The following PCDHA5 variants were observed in gnomAD, a reference collection of about 807,000 sequenced individuals.
The protein encoded by PCDHA5 is protocadherin alpha 5.
In PCDHA5, 43 loss-of-function variants were observed where a neutral mutation model predicts 61.6. That is an observed-to-expected ratio of 0.70 (90% CI 0.55 to 0.90). PCDHA5 has a LOEUF of 0.90. Ranked by LOEUF, PCDHA5 falls within the 40% of genes least tolerant of loss-of-function variation. The pLI is 0.00. For synonymous variants in PCDHA5, 627 were observed against 543.9 expected (o/e 1.15, Z -2.13); for missense variants, 1,298 against 1,222.7 (o/e 1.06, Z -0.92).
At chr5:140,923,785 C>T (rs2081509867) in intron 1 of PCDHA5, among the ~76,000 whole-genome samples, 1 of 152,156 alleles carries the variant, frequency 6.6e-6, no homozygotes, top group African/African-American at 2.4e-5. Flanking sequence ...ATGGTTTCTT[C>T]ATTCTTTTCA....
chr5:140,885,283 T>C (rs1326439795), intron 1 of PCDHA5, among the ~76,000 whole-genome samples: 2 of 152,298 alleles, frequency 1.3e-5, no homozygotes, highest in Admixed American at 6.5e-5. Context: ...TATATACATA[T>C]ATAGAGAGAG....
At chr5:140,841,695 A>C in intron 1 of PCDHA5, 1 of 1,613,932 alleles carries the variant, frequency 6.2e-7, no homozygotes, top group East Asian at 2.2e-5. Flanking sequence ...GAGGTGAAGG[A>C]TGTTAATGAC....
chr5:141,008,430 GC>G (rs1252417058), intron 3 of PCDHA5, among the ~76,000 whole-genome samples: 2 of 152,260 alleles, frequency 1.3e-5, no homozygotes, highest in African/African-American at 4.8e-5. Context: ...GGATCACTTT[GC>G]CCAGACAGAC....
At chr5:140,857,626 G>T in intron 1 of PCDHA5, 1 of 1,596,672 alleles carries the variant, frequency 6.3e-7, no homozygotes, top group Non-Finnish European at 8.6e-7. Flanking sequence ...ACCACGAGGA[G>T]CTGGAGCTGC....
chr5:140,965,259 A>G (rs1257686866), intron 1 of PCDHA5, among the ~76,000 whole-genome samples: 1 of 152,218 alleles, frequency 6.6e-6, no homozygotes, highest in African/African-American at 2.4e-5. Context: ...AGAACTGAGC[A>G]GCAGAGGCAA....
chr5:140,869,766 G>T, intron 1 of PCDHA5: 1 of 1,613,210 alleles, frequency 6.2e-7, no homozygotes, highest in Non-Finnish European at 8.5e-7. Context: ...GAAAACCAGA[G>T]CTTACTGGCA....
intron 1 of PCDHA5, among the ~76,000 whole-genome samples, chr5:140,832,446 A>G (rs2150201698): frequency 1.3e-5 from 2 of 152,202 alleles, no homozygotes; most frequent in Non-Finnish European, 2.9e-5. Flanking sequence ...TAAGCGTGTA[A>G]TTAATATTGC....
At position 140,876,440 on chromosome 5, in the gene PCDHA5, T is replaced by C. The variant is rs369023443; in HGVS notation, c.2352+52313T>C. 23 of 1,613,876 alleles carry C rather than the reference T, an allele frequency of 1.4e-5. No individual in the cohort carries two copies. In the Admixed American group the frequency reaches 1.5e-4, roughly 11 times the overall value. On this transcript the variant is annotated intron_variant, in intron 1 of 3. Transcript: ENST00000529859. ...GCCTATGAAATTCAGGTTAACGCCA[T>C]TGATAAAGGGATTCCTTCCATGGCA...
intron 1 of PCDHA5, chr5:140,867,094 A>T (rs1289520469): frequency 6.6e-6 from 1 of 152,180 alleles, no homozygotes; most frequent in Admixed American, 6.5e-5. Flanking sequence ...GTTGGAAATT[A>T]ACACCTAAAT....
chr5:140,832,072 T>A (rs2150199647), intron 1 of PCDHA5, among the ~76,000 whole-genome samples: 2,545 of 152,344 alleles, frequency 0.017, 42 homozygotes, highest in Non-Finnish European at 0.028. Context: ...ATCTGAGATG[T>A]CTCTAACATT....
intron 1 of PCDHA5, among the ~76,000 whole-genome samples, chr5:140,839,342 G>T (rs1463316254): frequency 6.6e-6 from 1 of 150,532 alleles, no homozygotes; most frequent in East Asian, 2.0e-4. Context: ...GTTGATAGGG[G>T]ATCCTCCTTA....
chr5:140,935,045 G>T (rs1382389528), intron 1 of PCDHA5, among the ~76,000 whole-genome samples: 1 of 151,952 alleles, frequency 6.6e-6, no homozygotes, highest in Non-Finnish European at 1.5e-5. Flanking sequence ...TTGATTTCTG[G>T]TATTACAAGA....
intron 1 of PCDHA5, among the ~76,000 whole-genome samples, chr5:140,903,031 A>G (rs1411414428): frequency 1.3e-5 from 2 of 152,188 alleles, no homozygotes; most frequent in Admixed American, 1.3e-4. Flanking sequence ...TGGCTTGCAC[A>G]TGTGTCTTTT....
intron 1 of PCDHA5, among the ~76,000 whole-genome samples, chr5:140,924,235 G>C (rs1320085802): frequency 6.6e-6 from 1 of 152,208 alleles, no homozygotes; most frequent in Non-Finnish European, 1.5e-5. Flanking sequence ...TTTATGGGCT[G>C]TTTTGCATCC....
chr5:140,842,806 G>A (rs2150344901), intron 1 of PCDHA5: 10 of 1,594,218 alleles, frequency 6.3e-6, no homozygotes, highest in South Asian at 3.3e-5. Context: ...ACTCGCTTGT[G>A]GAGCGGCGGG....
intron 1 of PCDHA5, among the ~76,000 whole-genome samples, chr5:140,838,075 A>AGTGTGTGTGTGTG (rs781914509): frequency 7.8e-6 from 1 of 128,240 alleles, no homozygotes; most frequent in African/African-American, 3.1e-5. Context: ...TTATATATAT[A>AGTGTGTGTGTGTG]TAGTGTGTGT....
intron 1 of PCDHA5, among the ~76,000 whole-genome samples, chr5:140,940,564 T>C (rs1481591678): frequency 2.0e-5 from 3 of 152,228 alleles, no homozygotes; most frequent in Non-Finnish European, 4.4e-5. Flanking sequence ...TTCTCCTACC[T>C]TGGCTCCCAA....
At chr5:140,894,503 T>C (rs934592222) in intron 1 of PCDHA5, among the ~76,000 whole-genome samples, 1 of 152,016 alleles carries the variant, frequency 6.6e-6, no homozygotes. Context: ...TTAGGCATTA[T>C]CCATAGTGTT....
At chr5:140,886,827 GAAAA>G (rs782016620) in intron 1 of PCDHA5, among the ~76,000 whole-genome samples, 16 of 60,888 alleles carry the variant, frequency 2.6e-4, no homozygotes, top group Non-Finnish European at 3.3e-4. Flanking sequence ...ACTTCGTCTT[GAAAA>G]AAAAAAAAAA....
Sources: allele counts gnomAD v4.1 joint callset (sites outside exome capture counted in the v4.1 genomes callset), GRCh38; gene constraint gnomAD v4.1.1; transcripts MANE v1.5; gene names NCBI Gene and HGNC (gene_info 2026-07-23, HGNC 2026-07-21).